TMEM165: variants seen among roughly 807,000 people sequenced by gnomAD.
The protein encoded by TMEM165 is transmembrane protein 165.
TMEM165 carries 19 observed loss-of-function variants against 30.0 expected under a neutral mutation model. The ratio of observed to expected loss-of-function variants is 0.63; its 90% CI spans 0.44 to 0.93. TMEM165 has a LOEUF of 0.93. Among genes scored for constraint, TMEM165 ranks in the 40% least tolerant of loss-of-function variants. The probability of loss-of-function intolerance (pLI) is 0.00; values close to 1 mark genes in which losing one functional copy is unlikely to be tolerated. For synonymous variants in TMEM165, 168 were observed against 162.9 expected, an observed-to-expected ratio of 1.03 and a Z score of -0.24; for missense variants, 340 against 417.0, an observed-to-expected ratio of 0.82 and a Z score of 1.61.
chr4:55,438,278 T>G (rs1472457674), intron 3 of TMEM165: 2 of 1,613,982 alleles, frequency 1.2e-6, no homozygotes, highest in African/African-American at 2.7e-5. Context: ...ATGGGGAGAA[T>G]TACCTGTAAA....
At chr4:55,451,190 G>A (rs1724416648) in intron 3 of TMEM165, among the ~76,000 whole-genome samples, 1 of 151,946 alleles carries the variant, frequency 6.6e-6, no homozygotes, top group African/African-American at 2.4e-5. Flanking sequence ...CTCTAATCAT[G>A]CTTTCACCCA....
intron 3 of TMEM165, among the ~76,000 whole-genome samples, chr4:55,441,650 T>C (rs772304835): frequency 1.3e-5 from 2 of 152,202 alleles, no homozygotes; most frequent in Non-Finnish European, 2.9e-5. Flanking sequence ...AAACACCATA[T>C]ATTCTCACTT....
intron 3 of TMEM165, among the ~76,000 whole-genome samples, chr4:55,448,601 C>CGCGCGCACGCGCGCGCGCGTGTGT (rs764071880): frequency 8.5e-6 from 1 of 116,978 alleles, no homozygotes; most frequent in Non-Finnish European, 1.8e-5. Flanking sequence ...CGCACGCGCG[C>CGCGCGCACGCGCGCGCGCGTGTGT]GTGTGTGTGT....
chr4:55,410,037 C>G (rs1466833173), intron 1 of TMEM165, among the ~76,000 whole-genome samples: 1 of 152,190 alleles, frequency 6.6e-6, no homozygotes, highest in African/African-American at 2.4e-5. Context: ...TGCAGGCTAC[C>G]AATCTCTGAT....
chr4:55,418,017 A>C, intron 4 of TMEM165, 32 bp downstream of exon 4: 2 of 1,557,682 alleles, frequency 1.3e-6, no homozygotes, highest in Non-Finnish European at 1.7e-6. Context: ...ACTGTTTAAA[A>C]TGAAACGTAA....
intron 3 of TMEM165, chr4:55,443,913 T>G (rs1232119509): frequency 6.3e-7 from 1 of 1,598,964 alleles, no homozygotes; most frequent in Non-Finnish European, 8.6e-7. Flanking sequence ...AAATAAAGAT[T>G]ATGTTAAAAT....
chr4:55,408,480 C>CA (rs773528316), intron 1 of TMEM165, among the ~76,000 whole-genome samples: 10 of 152,054 alleles, frequency 6.6e-5, no homozygotes, highest in Non-Finnish European at 1.5e-4. Context: ...ATATTAAATA[C>CA]TGTAGGCAGT....
chr4:55,448,159 T>C (rs1036518790), intron 3 of TMEM165, among the ~76,000 whole-genome samples: 1 of 152,240 alleles, frequency 6.6e-6, no homozygotes, highest in African/African-American at 2.4e-5. Flanking sequence ...TATAGCATGG[T>C]ATTGTAGGCA....
intron 1 of TMEM165, among the ~76,000 whole-genome samples, chr4:55,396,863 A>G (rs1450011643): frequency 6.6e-6 from 1 of 152,160 alleles, no homozygotes; most frequent in Non-Finnish European, 1.5e-5. Flanking sequence ...CCAAATATGG[A>G]TTATGAACCA....
At position 55,425,322 on chromosome 4, in the gene TMEM165, A is replaced by G. The variant is rs1250342018; in HGVS notation, c.899-54A>G. Reference sequence around the variant, plus strand: ...CATCGGCTCCCTTTTCATTTTGTACAGTATCAAGGTATAGGAATTTTACTG... The same window carrying G: ...CATCGGCTCCCTTTTCATTTTGTACGGTATCAAGGTATAGGAATTTTACTG... On this transcript the variant is annotated intron_variant, in intron 5 of 5. Coordinates refer to ENST00000381334, the MANE Select transcript of TMEM165 (RefSeq NM_018475.5). The G allele has an allele frequency of 7.1e-6, 10 of 1,415,938 alleles. No homozygotes were observed. In the Admixed American group the frequency reaches 1.7e-4, roughly 24 times the overall value. 87.7% of individuals were successfully genotyped at this position (1,415,938 alleles called of 1,614,324 possible).
chr4:55,426,618 G>GGACA (rs1451107215), downstream of TMEM165, among the ~76,000 whole-genome samples: 3 of 152,154 alleles, frequency 2.0e-5, no homozygotes, highest in African/African-American at 7.2e-5. Context: ...CTAAATTGAA[G>GGACA]GACAATTCTA....
intron 1 of TMEM165, among the ~76,000 whole-genome samples, chr4:55,402,432 T>C (rs1721054663): frequency 2.9e-5 from 1 of 34,912 alleles, no homozygotes; most frequent in East Asian, 8.7e-4. Flanking sequence ...TATATATATA[T>C]ATTTTTTTTT....
At chr4:55,402,418 TATATATATATATATA>T (rs1162388293) in intron 1 of TMEM165, among the ~76,000 whole-genome samples, 2 of 93,418 alleles carry the variant, frequency 2.1e-5, no homozygotes, top group African/African-American at 1.1e-4. Flanking sequence ...TATATATATA[TATATATATATATATA>T]TTTTTTTTTT....
intron 5 of TMEM165, 48 bp downstream of exon 5, chr4:55,424,691 A>T: frequency 8.2e-7 from 1 of 1,220,726 alleles, no homozygotes; most frequent in African/African-American, 1.5e-5. Flanking sequence ...AATCACTGAG[A>T]GATTAAAGGG....
Position 55,426,001 on chromosome 4 carries a change from A to G in TMEM165, c.*549A>G, listed in dbSNP as rs1380895517. ...CACAACAAGAACTGTCTGCCAGGTC[A>G]TTCTTCCTCTTTTTTTTTTAATTGG... On this transcript the variant is annotated 3_prime_UTR_variant, in exon 6 of 6. Coordinates refer to ENST00000381334, the MANE Select transcript of TMEM165 (RefSeq NM_018475.5). 1 of 152,172 alleles carries G rather than the reference A, an allele frequency of 6.6e-6. No individual in the cohort carries two copies. 9.4% of individuals were successfully genotyped at this position (152,172 alleles called of 1,614,324 possible).
At chr4:55,400,940 A>G (rs937314853) in intron 1 of TMEM165, among the ~76,000 whole-genome samples, 2 of 150,776 alleles carry the variant, frequency 1.3e-5, no homozygotes, top group Non-Finnish European at 2.9e-5. Context: ...GCCTTGCTGA[A>G]TATGTAAGTT....
intron 1 of TMEM165, among the ~76,000 whole-genome samples, chr4:55,399,882 GTATAA>G (rs1578226552): frequency 6.6e-6 from 1 of 151,458 alleles, no homozygotes; most frequent in African/African-American, 2.4e-5. Context: ...GGAAGGGTGG[GTATAA>G]TATAATATGA....
chr4:55,399,733 A>AT (rs1188099146), intron 1 of TMEM165, among the ~76,000 whole-genome samples: 2 of 151,764 alleles, frequency 1.3e-5, no homozygotes, highest in African/African-American at 2.4e-5. Context: ...GTTTTATTTA[A>AT]TTTTTTTTAT....
chr4:55,439,031 C>T (rs192529124), intron 3 of TMEM165, among the ~76,000 whole-genome samples: 5 of 152,268 alleles, frequency 3.3e-5, no homozygotes, highest in Non-Finnish European at 7.4e-5. Context: ...AATTAAAAAT[C>T]TTGTGAATCA....
Sources: allele counts gnomAD v4.1 joint callset (sites outside exome capture counted in the v4.1 genomes callset), GRCh38; gene constraint gnomAD v4.1.1; transcripts MANE v1.5; gene names NCBI Gene and HGNC (gene_info 2026-07-23, HGNC 2026-07-21).